The following MIA2 variants were observed in gnomAD, a reference collection of about 807,000 sequenced individuals.
MIA2 encodes MIA SH3 domain ER export factor 2, also known as melanoma inhibitory activity protein 2.
In MIA2, 127 loss-of-function variants were observed where a neutral mutation model predicts 167.8. That is an observed-to-expected ratio of 0.76 (90% CI 0.66 to 0.88). The LOEUF is 0.88. Among genes scored for constraint, MIA2 ranks in the 40% least tolerant of loss-of-function variants. The probability of loss-of-function intolerance (pLI) is 0.00; values close to 1 mark genes in which losing one functional copy is unlikely to be tolerated. For missense variants in MIA2, 1,690 were observed against 1,624.7 expected, an observed-to-expected ratio of 1.04 and a Z score of -0.69; for synonymous variants, 552 against 541.9, an observed-to-expected ratio of 1.02 and a Z score of -0.26.
chr14:39,353,322 A>G (rs2074439630), downstream of MIA2, among the ~76,000 whole-genome samples: 1 of 152,016 alleles, frequency 6.6e-6, no homozygotes, highest in Non-Finnish European at 1.5e-5. Flanking sequence ...CCCATAACCA[A>G]CCTCTCTTCA....
At chr14:39,343,971 C>T (rs1374735660) in intron 25 of MIA2, among the ~76,000 whole-genome samples, 1 of 152,142 alleles carries the variant, frequency 6.6e-6, no homozygotes, top group Non-Finnish European at 1.5e-5. Flanking sequence ...AGATAGTCTA[C>T]CTCTTATATT....
rs370273439 is a variant in MIA2, at chr14:39,330,001, A to T, written c.3655+2979A>T. 3.9e-5 allele frequency among the ~76,000 whole-genome samples: 6 copies of T among 152,122 alleles called. No homozygotes were observed. In the South Asian group the frequency reaches 6.2e-4, roughly 16 times the overall value. On this transcript the variant is annotated intron_variant, in intron 25 of 28. Coordinates refer to ENST00000640607, the MANE Select transcript of MIA2 (RefSeq NM_001329214.4). Reference sequence around the variant, plus strand: ...GACCTCATAAAATGAGCTAGGGAGGATTCCCTCTTTTTCTGTTGATTGGAA... The same window carrying T: ...GACCTCATAAAATGAGCTAGGGAGGTTTCCCTCTTTTTCTGTTGATTGGAA...
At chr14:39,345,537 C>G (rs1458140553) in intron 25 of MIA2, among the ~76,000 whole-genome samples, 1 of 151,870 alleles carries the variant, frequency 6.6e-6, no homozygotes, top group African/African-American at 2.4e-5. Flanking sequence ...TTACTTTTTC[C>G]TTATGTTAGT....
chr14:39,374,670 G>A lies in MIA2; in HGVS notation c.2249-12215G>A, dbSNP rs149660982. On this transcript the variant is annotated intron_variant, in intron 23 of 23. Transcript: ENST00000341502. ...AATATTCAAACAGGCAGTTAAGGAG[G>A]CTGTCCTCTTCCTATCAAGGTATGT... Among the ~76,000 whole-genome samples the A allele has an allele frequency of 5.4e-3, 823 of 152,272 alleles. 5 individuals are homozygous for A. The highest frequency in any genetic ancestry group is 0.019 in the African/African-American group (779 of 41,542).
Position 39,293,259 on chromosome 14 carries a change from T to C in MIA2, c.2209-12T>C, listed in dbSNP as rs749408209. On this transcript the variant is annotated splice_polypyrimidine_tract_variant and intron_variant, in intron 10 of 28. Transcript: ENST00000640607. ...CTTATATCTGTTTAATAAAGTTGGCTTTCTCTCTTAGGCAACCTGTGAAAA... is the reference window on the plus strand; with the variant it reads ...CTTATATCTGTTTAATAAAGTTGGCCTTCTCTCTTAGGCAACCTGTGAAAA... The C allele has an allele frequency of 5.7e-6, 9 of 1,577,908 alleles. No individual in the cohort carries two copies. The highest frequency in any genetic ancestry group is 6.1e-6 in the Non-Finnish European group (7 of 1,152,350).
chr14:39,311,466 C>CTTTTTTTTTTT (rs35478238), intron 18 of MIA2, among the ~76,000 whole-genome samples: 2 of 43,322 alleles, frequency 4.6e-5, no homozygotes, highest in Non-Finnish European at 4.0e-5. Context: ...TGATGTGTTG[C>CTTTTTTTTTTT]TTTTTTTTTT....
At chr14:39,259,536 T>C (rs1270296163) in intron 6 of MIA2, among the ~76,000 whole-genome samples, 1 of 152,060 alleles carries the variant, frequency 6.6e-6, no homozygotes, top group African/African-American at 2.4e-5. Context: ...TTTCTCTTTT[T>C]TTTCTATTTT....
rs1385637669 is a variant in MIA2, at chr14:39,323,692, CAG to C, written c.3496+2637_3496+2638del. Among the ~76,000 whole-genome samples the C allele has an allele frequency of 2.6e-5, 4 of 152,208 alleles. No individual in the cohort carries two copies. In the East Asian group the frequency reaches 7.7e-4, roughly 29 times the overall value. On this transcript the variant is annotated intron_variant, in intron 24 of 28. Transcript: ENST00000640607. ...AGTAGGAGCTAGCAGTCTGAAAAAA[CAG>C]TGCCCTAGAAATAAGGGTATAATTG...
intron 25 of MIA2, among the ~76,000 whole-genome samples, chr14:39,330,967 C>T (rs1216424007): frequency 6.6e-6 from 1 of 152,086 alleles, no homozygotes; most frequent in Non-Finnish European, 1.5e-5. Flanking sequence ...CTGTAGTTGT[C>T]TGTTAGGTCC....
At chr14:39,278,043 G>A (rs932523343) in intron 7 of MIA2, among the ~76,000 whole-genome samples, 1 of 151,386 alleles carries the variant, frequency 6.6e-6, no homozygotes, top group Admixed American at 6.6e-5. Context: ...GCATGATCTC[G>A]GCTCACTGCA....
chr14:39,266,191 G>A (rs1265257722), intron 6 of MIA2: 1 of 985,238 alleles, frequency 1.0e-6, no homozygotes, highest in African/African-American at 1.7e-5. Context: ...TCCTTTTTGA[G>A]TTGCTTCACC....
intron 25 of MIA2, among the ~76,000 whole-genome samples, chr14:39,335,040 A>G (rs988670919): frequency 7.9e-5 from 12 of 152,244 alleles, no homozygotes; most frequent in African/African-American, 2.6e-4. Context: ...GCTTGAGGCC[A>G]GGAGTTCTGG....
At chr14:39,317,290 C>G (rs951235454) in intron 21 of MIA2, among the ~76,000 whole-genome samples, 1 of 152,172 alleles carries the variant, frequency 6.6e-6, no homozygotes, top group Non-Finnish European at 1.5e-5. Context: ...TAGCTTGTCA[C>G]ACGCTCCAGA....
chr14:39,257,881 T>C (rs578040173), intron 6 of MIA2, among the ~76,000 whole-genome samples: 2 of 152,294 alleles, frequency 1.3e-5, no homozygotes, highest in South Asian at 4.1e-4. Context: ...GGGTTGAAAA[T>C]TGTTTTCTTT....
chr14:39,347,680 A>G (rs781622595), intron 26 of MIA2, 33 bp from the exon 27 acceptor site: 7 of 1,603,726 alleles, frequency 4.4e-6, no homozygotes, highest in East Asian at 4.5e-5. Context: ...GTGATAAATC[A>G]TGTACTTTTC....
At chr14:39,246,654 C>T (rs1048206214) in intron 3 of MIA2, among the ~76,000 whole-genome samples, 1 of 152,082 alleles carries the variant, frequency 6.6e-6, no homozygotes, top group Admixed American at 6.5e-5. Flanking sequence ...GAGCTCTGCT[C>T]CAGCCTGGGA....
At position 39,359,638 on chromosome 14, in the gene MIA2, G is replaced by A. The variant is rs563907526; in HGVS notation, c.2248+10661G>A. Among the ~76,000 whole-genome samples the A allele has an allele frequency of 1.3e-3, 198 of 152,268 alleles. 1 individual carries two copies. Among genetic ancestry groups the A allele is most frequent in the Middle Eastern group, 6.8e-3 (2 of 294 alleles). Reference sequence around the variant, plus strand: ...AATGCAGAAATCACCTGTCTTCTGCGTCGCTCACACTGGGAGCTCTAGGCT... The same window carrying A: ...AATGCAGAAATCACCTGTCTTCTGCATCGCTCACACTGGGAGCTCTAGGCT... On this transcript the variant is annotated intron_variant, in intron 23 of 23. Coordinates refer to the MIA2 transcript ENST00000341502.
intron 25 of MIA2, among the ~76,000 whole-genome samples, chr14:39,335,497 T>C (rs1049933721): frequency 4.6e-5 from 7 of 152,212 alleles, no homozygotes; most frequent in African/African-American, 1.7e-4. Flanking sequence ...CGTTAAATAC[T>C]TTGAAAAAGG....
At chr14:39,252,641 T>A in intron 4 of MIA2, 107 bp from the exon 5 acceptor site, 1 of 726,470 alleles carries the variant, frequency 1.4e-6, no homozygotes, top group Non-Finnish European at 2.3e-6. Context: ...CGAAGTATCA[T>A]AATGACCTAC....
Sources: gnomAD v4.1 joint callset for allele counts (sites outside exome capture counted in the v4.1 genomes callset) on GRCh38, gnomAD v4.1.1 for gene constraint, MANE v1.5 for transcripts, NCBI Gene and HGNC (gene_info 2026-07-23, HGNC 2026-07-21) for gene names.